ADAMTS12: variants seen among roughly 807,000 people sequenced by gnomAD.
The protein encoded by ADAMTS12 is A disintegrin and metalloproteinase with thrombospondin motifs 12.
Under a neutral mutation model 167.8 loss-of-function variants are expected in ADAMTS12, and 118 were observed. The ratio of observed to expected loss-of-function variants is 0.70; its 90% CI spans 0.61 to 0.82. ADAMTS12 has a LOEUF of 0.82. Among genes scored for constraint, ADAMTS12 ranks in the 40% least tolerant of loss-of-function variants. ADAMTS12 has a pLI of 0.00. For missense variants in ADAMTS12, 1,916 were observed against 1,998.8 expected, an observed-to-expected ratio of 0.96 and a Z score of 0.79; for synonymous variants, 704 against 716.9, an observed-to-expected ratio of 0.98 and a Z score of 0.29.
intron 12 of ADAMTS12, 62 bp from the exon 13 acceptor site, chr5:33,630,975 G>C: frequency 6.3e-7 from 1 of 1,589,398 alleles, no homozygotes; most frequent in Non-Finnish European, 8.6e-7. Context: ...TCCTCCCCCA[G>C]GATTCCTCCG....
At chr5:33,565,674 GTT>G (rs4049324) in intron 19 of ADAMTS12, among the ~76,000 whole-genome samples, 78,452 of 126,140 alleles carry the variant, frequency 0.62, 23,166 homozygotes, top group African/African-American at 0.74. Context: ...TTTTTTGTTT[GTT>G]TTTTTTTTTT....
At chr5:33,546,375 TAA>T (rs796258311) in intron 21 of ADAMTS12, among the ~76,000 whole-genome samples, 173 bp from the exon 22 acceptor site, 1 of 143,762 alleles carries the variant, frequency 7.0e-6, no homozygotes, top group African/African-American at 2.5e-5. Flanking sequence ...ACTCACTATT[TAA>T]AAAAAAAAAG....
chr5:33,587,477 C>T (rs1747417008), intron 18 of ADAMTS12, among the ~76,000 whole-genome samples: 1 of 152,074 alleles, frequency 6.6e-6, no homozygotes, highest in Non-Finnish European at 1.5e-5. Context: ...TATTTTGAGA[C>T]AGGGTCTCAC....
chr5:33,535,854 G>A (rs777837206), intron 22 of ADAMTS12, among the ~76,000 whole-genome samples: 19 of 152,106 alleles, frequency 1.2e-4, no homozygotes, highest in Non-Finnish European at 2.5e-4. Flanking sequence ...AATGTGGAAT[G>A]GGGGTAGGGA....
At chr5:33,665,695 G>C (rs1741440842) in intron 5 of ADAMTS12, among the ~76,000 whole-genome samples, 1 of 152,136 alleles carries the variant, frequency 6.6e-6, no homozygotes, top group Non-Finnish European at 1.5e-5. Context: ...AAGGCATCAG[G>C]TTCAAGAGAC....
chr5:33,746,211 A>C (rs1197058302), intron 3 of ADAMTS12, among the ~76,000 whole-genome samples: 1 of 152,218 alleles, frequency 6.6e-6, no homozygotes, highest in Non-Finnish European at 1.5e-5. Flanking sequence ...AGCCAATTCC[A>C]ATAGTACCAT....
intron 5 of ADAMTS12, among the ~76,000 whole-genome samples, chr5:33,680,790 G>A (rs1362007871): frequency 1.3e-5 from 2 of 152,172 alleles, no homozygotes; most frequent in Non-Finnish European, 2.9e-5. Flanking sequence ...AAAAACTGAT[G>A]CAGCTATAGC....
chr5:33,620,860 T>C (rs1739288351), intron 14 of ADAMTS12, among the ~76,000 whole-genome samples: 1 of 152,230 alleles, frequency 6.6e-6, no homozygotes. Context: ...ATGTATTTAT[T>C]GAAAAACATC....
intron 3 of ADAMTS12, among the ~76,000 whole-genome samples, chr5:33,686,932 TATATAG>T (rs1742352284): frequency 2.3e-5 from 3 of 129,762 alleles, no homozygotes; most frequent in African/African-American, 9.2e-5. Flanking sequence ...AATATATATA[TATATAG>T]AGAGAGAGAG....
At chr5:33,539,625 C>T (rs919246587) in intron 22 of ADAMTS12, among the ~76,000 whole-genome samples, 3 of 152,130 alleles carry the variant, frequency 2.0e-5, no homozygotes, top group Non-Finnish European at 4.4e-5. Context: ...CAACTTTTAG[C>T]AGACTTAGAG....
chr5:33,730,007 C>T (rs540606697), intron 3 of ADAMTS12, among the ~76,000 whole-genome samples: 1 of 152,228 alleles, frequency 6.6e-6, no homozygotes, highest in Non-Finnish European at 1.5e-5. Flanking sequence ...TCTGGAGCTC[C>T]AAAAGTTCCA....
chr5:33,829,587 G>C (rs1748219228), intron 2 of ADAMTS12, among the ~76,000 whole-genome samples: 2 of 152,124 alleles, frequency 1.3e-5, no homozygotes, highest in South Asian at 4.1e-4. Flanking sequence ...AGGAGGATCT[G>C]ACCATTGGCC....
At chr5:33,839,843 T>TA (rs1218817410) in intron 2 of ADAMTS12, among the ~76,000 whole-genome samples, 3 of 152,222 alleles carry the variant, frequency 2.0e-5, no homozygotes, top group African/African-American at 7.2e-5. Context: ...TATAAACAAA[T>TA]ACAGTAGTTT....
intron 20 of ADAMTS12, among the ~76,000 whole-genome samples, chr5:33,551,549 T>C (rs1232979542): frequency 6.6e-6 from 1 of 152,206 alleles, no homozygotes; most frequent in African/African-American, 2.4e-5. Context: ...AAATAGCCCA[T>C]AGTTAAAACA....
chr5:33,663,708 A>G (rs929483956), intron 5 of ADAMTS12, among the ~76,000 whole-genome samples: 3 of 152,200 alleles, frequency 2.0e-5, no homozygotes, highest in Non-Finnish European at 4.4e-5. Flanking sequence ...TTGGTCATCA[A>G]CCTCACTGGG....
Position 33,683,966 on chromosome 5 carries a change from T to G in ADAMTS12, c.724A>C (p.Ile242Leu). ...LPSRSLSRRS[I>L]SKERWVETLV... ...GTCTCCACCCATCTCTCCTTGCTGATGGAACGCCGAGAGAGGCTTCTGCTT... is the reference window on the plus strand; with the variant it reads ...GTCTCCACCCATCTCTCCTTGCTGAGGGAACGCCGAGAGAGGCTTCTGCTT... Residue 242 changes from isoleucine to leucine, a missense_variant, in exon 4 of 24, where the codon ATC becomes CTC. Physicochemically the swap from Ile to Leu is conservative, Grantham distance 5. Coordinates refer to ENST00000504830, the MANE Select transcript of ADAMTS12 (RefSeq NM_030955.4). 1 of 1,612,780 alleles carries G rather than the reference T, an allele frequency of 6.2e-7. No individual in the cohort carries two copies. The highest frequency in any genetic ancestry group is 1.1e-5 in the South Asian group (1 of 90,832).
Position 33,561,080 on chromosome 5 carries a change from T to C in ADAMTS12, c.4072A>G (p.Lys1358Glu), listed in dbSNP as rs1745727545. ...CAAIQRPDPA[K>E]RCHLRPCAGW... is the part of the protein sequence containing the mutation. ...GCACAGGGACGGAGGTGGCATCTTTTTGCAGGGTCAGGTCTCTGGATGGCC... is the reference window on the plus strand; with the variant it reads ...GCACAGGGACGGAGGTGGCATCTTTCTGCAGGGTCAGGTCTCTGGATGGCC... Residue 1358 changes from lysine (K) to glutamate (E), a missense_variant, in exon 20 of 24, where the codon AAA (lysine) becomes GAA (glutamate). Physicochemically the swap from Lys to Glu is moderately conservative, Grantham distance 56. Transcript: ENST00000504830. 6.2e-7 allele frequency: 1 copy of C among 1,614,074 alleles called. No individual in the cohort carries two copies.
At position 33,630,741 on chromosome 5, in the gene ADAMTS12, A is replaced by G. The variant is rs1682268026; in HGVS notation, c.2022+39T>C. On this transcript the variant is annotated intron_variant, in intron 13 of 23. Coordinates refer to ENST00000504830, the MANE Select transcript of ADAMTS12 (RefSeq NM_030955.4). ...ACTTCCCAAATTAGTAAAAGTCATGATTTTATAAAGTTGTAGATTAAGGAA... is the reference window on the plus strand; with the variant it reads ...ACTTCCCAAATTAGTAAAAGTCATGGTTTTATAAAGTTGTAGATTAAGGAA... 4.4e-6 allele frequency: 7 copies of G among 1,578,086 alleles called. No individual in the cohort carries two copies. The South Asian group carries it at 4.6e-5, about 10-fold the overall frequency.
In ADAMTS12 at chr5:33,588,767, C is replaced by A. The variant is rs762037150; in HGVS notation, c.2697G>T (p.Gly899=). ...CGGTTCGCTTCTTCTCCCCGTGGGG[C>A]CCGCATGTCGCCGAGCATGCTTCCC... The part of the protein sequence containing the change: ...GEWEACSATC[G]PHGEKKRTVL... Residue 899 remains glycine, a synonymous_variant, in exon 18 of 24, where the codon GGG becomes GGT. Coordinates refer to ENST00000504830, the MANE Select transcript of ADAMTS12 (RefSeq NM_030955.4). 3.7e-6 allele frequency: 6 copies of A among 1,613,838 alleles called. No homozygotes were observed. The highest frequency in any genetic ancestry group is 3.3e-5 in the Admixed American group (2 of 60,008).
Sources: allele counts gnomAD v4.1 joint callset (sites outside exome capture counted in the v4.1 genomes callset), GRCh38; gene constraint gnomAD v4.1.1; transcripts MANE v1.5; gene names NCBI Gene and HGNC (gene_info 2026-07-23, HGNC 2026-07-21).